The following NMNAT1 variants were observed in gnomAD, a reference collection of about 807,000 sequenced individuals.
The protein encoded by NMNAT1 is nicotinamide/nicotinic acid mononucleotide adenylyltransferase 1.
In NMNAT1, 11 loss-of-function variants were observed where a neutral mutation model predicts 16.7. That is an observed-to-expected ratio of 0.66 (90% CI 0.41 to 1.09). The LOEUF (loss-of-function observed/expected upper bound fraction) is 1.09. Ranked by LOEUF, NMNAT1 falls within the 50% of genes least tolerant of loss-of-function variation. NMNAT1 has a pLI of 0.00. For missense variants in NMNAT1, 280 were observed against 332.3 expected, an observed-to-expected ratio of 0.84 and a Z score of 1.22; for synonymous variants, 110 against 119.8, an observed-to-expected ratio of 0.92 and a Z score of 0.53.
intron 1 of NMNAT1, among the ~76,000 whole-genome samples, chr1:9,947,881 T>C (rs1183684011): frequency 1.3e-5 from 2 of 152,204 alleles, no homozygotes; most frequent in Admixed American, 1.3e-4. Flanking sequence ...ACATTCTGTT[T>C]TCAGCTTCAA....
At chr1:9,996,073 A>G in the NMNAT1 span, among the ~76,000 whole-genome samples, 2 of 152,066 alleles carry the variant, frequency 1.3e-5, no homozygotes, top group East Asian at 3.9e-4. Context: ...GCACTTTGGG[A>G]GGCCAAGGCG....
intron 1 of NMNAT1, among the ~76,000 whole-genome samples, chr1:9,954,115 C>G (rs115210417): frequency 0.018 from 2,671 of 151,924 alleles, 34 homozygotes; most frequent in Non-Finnish European, 0.027. Flanking sequence ...CCATACATCA[C>G]TCTTAAAAGC....
rs1241084880 is a variant in NMNAT1 at position 9,969,420 on chromosome 1, A to G, written c.-56-2598A>G. On this transcript the variant is annotated intron_variant, in intron 1 of 4. Transcript: ENST00000377205. ...GTTGAGGCTATCAGGAAATTAGAGC[A>G]TGAAGGCAGGAGGTGGAAAATACAG... Among the ~76,000 whole-genome samples, 3 of 152,130 alleles carry G rather than the reference A, an allele frequency of 2.0e-5. No homozygotes were observed. The East Asian group carries it at 5.8e-4, about 29-fold the overall frequency.
chr1:9,996,496 C>T, the NMNAT1 span, among the ~76,000 whole-genome samples: 1 of 152,160 alleles, frequency 6.6e-6, no homozygotes, highest in African/African-American at 2.4e-5. Flanking sequence ...CTAAATGCTG[C>T]AGACTAGAAT....
chr1:9,976,912 C>CTT (rs201689546), intron 3 of NMNAT1, among the ~76,000 whole-genome samples: 61 of 141,604 alleles, frequency 4.3e-4, no homozygotes, highest in African/African-American at 1.5e-3. Context: ...CTTTTCTTTT[C>CTT]TTTTTTTTTT....
intron 1 of NMNAT1, among the ~76,000 whole-genome samples, chr1:9,967,630 A>C (rs530505200): frequency 2.0e-5 from 3 of 152,262 alleles, no homozygotes; most frequent in East Asian, 1.9e-4. Context: ...ATAGAATAGC[A>C]ATTGTAAATT....
At chr1:9,979,555 C>G (rs1397964567) in intron 3 of NMNAT1, among the ~76,000 whole-genome samples, 1 of 152,070 alleles carries the variant, frequency 6.6e-6, no homozygotes, top group Non-Finnish European at 1.5e-5. Context: ...AATCCCAGCA[C>G]TTTGGGAGGC....
At chr1:9,966,271 C>T (rs1303743662) in intron 1 of NMNAT1, among the ~76,000 whole-genome samples, 10 of 151,830 alleles carry the variant, frequency 6.6e-5, no homozygotes, top group Admixed American at 5.9e-4. Flanking sequence ...TGCACTCCAC[C>T]GTGGGCAACA....
chr1:9,975,388 C>G (rs975484428), intron 2 of NMNAT1, among the ~76,000 whole-genome samples: 3 of 152,128 alleles, frequency 2.0e-5, no homozygotes, highest in African/African-American at 7.2e-5. Flanking sequence ...GTAATCCCAG[C>G]TACTCAGGAG....
chr1:9,964,230 C>G (rs116168174), intron 1 of NMNAT1, among the ~76,000 whole-genome samples: 5,971 of 151,488 alleles, frequency 0.039, 413 homozygotes, highest in African/African-American at 0.14. Context: ...TGGTTCACAC[C>G]TGTAATCCCA....
intron 1 of NMNAT1, among the ~76,000 whole-genome samples, chr1:9,968,079 T>TA (rs1557467139): frequency 1.1e-5 from 1 of 92,600 alleles, no homozygotes; most frequent in African/African-American, 2.7e-5. Flanking sequence ...TTTTTTTTTT[T>TA]GTTTTTTTTT....
At chr1:9,968,080 G>GGTTTTTTTTTTTT (rs1641597218) in intron 1 of NMNAT1, among the ~76,000 whole-genome samples, 1 of 117,774 alleles carries the variant, frequency 8.5e-6, no homozygotes, top group African/African-American at 2.9e-5. Context: ...TTTTTTTTTT[G>GGTTTTTTTTTTTT]TTTTTTTTTG....
intron 1 of NMNAT1, chr1:9,949,849 T>C (rs1641067798): frequency 6.6e-6 from 1 of 152,176 alleles, no homozygotes; most frequent in African/African-American, 2.4e-5. Context: ...TGTTCATTAC[T>C]AAGATTTCTA....
In NMNAT1 at chr1:9,955,403, C is replaced by CAAAA. The variant is rs71583829; in HGVS notation, c.-57+11904_-57+11907dup. On this transcript the variant is annotated intron_variant, in intron 1 of 4. Transcript: ENST00000377205. ...TGGGGACAAGAGCGAGACTTTGTCT[C>CAAAA]AAAAAAAAAAAAAAAAAAAGAAAGA... 5.3e-3 allele frequency among the ~76,000 whole-genome samples: 482 copies of CAAAA among 90,354 alleles called. 8 individuals are homozygous for CAAAA. Among genetic ancestry groups the CAAAA allele is most frequent in the East Asian group, 0.015 (48 of 3,192 alleles). 59.3% of individuals were successfully genotyped at this position (90,354 alleles called of 152,430 possible).
At chr1:9,952,925 G>A (rs536728112) in intron 1 of NMNAT1, among the ~76,000 whole-genome samples, 1 of 152,030 alleles carries the variant, frequency 6.6e-6, no homozygotes, top group East Asian at 1.9e-4. Context: ...CCTTCCTGCT[G>A]TGGAACAGAA....
rs1253358417 is a variant in NMNAT1 at position 9,945,794 on chromosome 1, C to T, written c.-57+2279C>T. Among the ~76,000 whole-genome samples, 3 of 152,178 alleles carry T rather than the reference C, an allele frequency of 2.0e-5. No homozygotes were observed. The East Asian group carries it at 5.8e-4, about 29-fold the overall frequency. On this transcript the variant is annotated intron_variant, in intron 1 of 4. Coordinates refer to ENST00000377205, the MANE Select transcript of NMNAT1 (RefSeq NM_022787.4). ...ATTTTTGTTTTTGTTTGCCCTGTCA[C>T]CCAGACTGGAGTACAGTGACACGAG...
intron 1 of NMNAT1, among the ~76,000 whole-genome samples, chr1:9,957,464 C>T (rs1243216738): frequency 1.3e-5 from 2 of 151,594 alleles, no homozygotes; most frequent in African/African-American, 4.9e-5. Flanking sequence ...GGATTACAGG[C>T]ATGCGCCACC....
downstream of NMNAT1, among the ~76,000 whole-genome samples, chr1:9,987,364 G>A (rs1642057666): frequency 6.6e-6 from 1 of 152,030 alleles, no homozygotes; most frequent in South Asian, 2.1e-4. Flanking sequence ...CAGGCAGCAG[G>A]GCGCAGTGGC....
chr1:9,991,760 C>T, the NMNAT1 span, among the ~76,000 whole-genome samples: 3 of 152,132 alleles, frequency 2.0e-5, no homozygotes, highest in East Asian at 3.9e-4. Context: ...TGATAAAGGA[C>T]GTAAGCAGAG....
Sources: gnomAD v4.1 joint callset for allele counts (sites outside exome capture counted in the v4.1 genomes callset) on GRCh38, gnomAD v4.1.1 for gene constraint, MANE v1.5 for transcripts, NCBI Gene and HGNC (gene_info 2026-07-23, HGNC 2026-07-21) for gene names.